Variants in ELL observed in about 807,000 individuals in gnomAD.
ELL encodes RNA polymerase II elongation factor ELL.
Under a neutral mutation model 64.0 loss-of-function variants are expected in ELL, and 18 were observed. That is an observed-to-expected ratio of 0.28 (90% confidence interval 0.19 to 0.42). The LOEUF is 0.42. ELL is among the 10% of genes least tolerant of loss of function. The probability of loss-of-function intolerance (pLI) is 1.00; values close to 1 mark genes in which losing one functional copy is unlikely to be tolerated. For synonymous variants in ELL, 399 were observed against 376.2 expected (o/e 1.06, Z -0.70); for missense variants, 797 against 870.4 (o/e 0.92, Z 1.06).
chr19:18,483,423 G>A (rs560339872), intron 1 of ELL, among the ~76,000 whole-genome samples: 18 of 152,302 alleles, frequency 1.2e-4, no homozygotes, highest in South Asian at 1.0e-3. Flanking sequence ...CCATTCCTGC[G>A]TCATAGCTGG....
At chr19:18,486,510 G>A (rs1600477466) in intron 1 of ELL, among the ~76,000 whole-genome samples, 2 of 152,056 alleles carry the variant, frequency 1.3e-5, no homozygotes, top group African/African-American at 4.8e-5. Context: ...TCCGGTGGTC[G>A]GCCACACTCA....
At position 18,446,822 on chromosome 19, in the gene ELL, A is replaced by AG; in HGVS notation, c.1466-9dup. 1 of 1,614,036 alleles carries AG rather than the reference A, an allele frequency of 6.2e-7. No individual in the cohort carries two copies. The highest frequency in any genetic ancestry group is 8.5e-7 in the Non-Finnish European group (1 of 1,180,022). On this transcript the variant is annotated splice_polypyrimidine_tract_variant and intron_variant, in intron 8 of 11. Transcript: ENST00000262809. ...TGCAGGTTCCGTTTAAACCTACGAG[A>AG]GCAAACACATACCTCCTGAGTCTGC...
chr19:18,508,492 C>A (rs1187522898), intron 1 of ELL, among the ~76,000 whole-genome samples: 1 of 152,206 alleles, frequency 6.6e-6, no homozygotes. Flanking sequence ...GGGGCCAGAA[C>A]AAAAGGACCC....
intron 4 of ELL, among the ~76,000 whole-genome samples, chr19:18,464,140 G>A (rs892001934): frequency 5.9e-5 from 9 of 152,200 alleles, no homozygotes; most frequent in Non-Finnish European, 1.2e-4. Flanking sequence ...AGGCCCAGGC[G>A]AAAGGATCAT....
At chr19:18,487,388 G>A (rs1225414657) in intron 1 of ELL, among the ~76,000 whole-genome samples, 1 of 152,236 alleles carries the variant, frequency 6.6e-6, no homozygotes, top group African/African-American at 2.4e-5. Flanking sequence ...AGGAGCAGCT[G>A]GGTTTGGGGG....
At chr19:18,490,532 T>C (rs1289053788) in intron 1 of ELL, among the ~76,000 whole-genome samples, 1 of 152,216 alleles carries the variant, frequency 6.6e-6, no homozygotes, top group African/African-American at 2.4e-5. Flanking sequence ...GCAAGTTTCT[T>C]GGCCATTCTT....
At chr19:18,456,596 G>T (rs537681172) in intron 6 of ELL, among the ~76,000 whole-genome samples, 5 of 152,318 alleles carry the variant, frequency 3.3e-5, no homozygotes, top group Admixed American at 1.3e-4. Context: ...ACCAGGCAGT[G>T]TGTGGCTTGG....
At chr19:18,445,324 C>G (rs1030845602) in intron 10 of ELL, 56 bp from the exon 11 acceptor site, 17 of 1,579,006 alleles carry the variant, frequency 1.1e-5, no homozygotes, top group African/African-American at 1.3e-5. Flanking sequence ...TACAGGAAAC[C>G]CAAATTGAGT....
intron 2 of ELL, among the ~76,000 whole-genome samples, chr19:18,468,984 C>A (rs955900745): frequency 6.6e-6 from 1 of 152,164 alleles, no homozygotes; most frequent in Non-Finnish European, 1.5e-5. Flanking sequence ...CTTCACCCTG[C>A]TTGGATCTTT....
chr19:18,471,926 T>G (rs1240219323), intron 2 of ELL, among the ~76,000 whole-genome samples: 1 of 152,154 alleles, frequency 6.6e-6, no homozygotes, highest in Non-Finnish European at 1.5e-5. Context: ...CCTACCTTTT[T>G]GGCACCAGCG....
intron 1 of ELL, among the ~76,000 whole-genome samples, chr19:18,500,125 G>C (rs1382053715): frequency 6.6e-6 from 1 of 152,136 alleles, no homozygotes; most frequent in African/African-American, 2.4e-5. Flanking sequence ...ATCTGGGCAT[G>C]GTGGCGGGTG....
chr19:18,490,817 G>A (rs1231898001), intron 1 of ELL, among the ~76,000 whole-genome samples: 1 of 152,160 alleles, frequency 6.6e-6, no homozygotes, highest in East Asian at 1.9e-4. Flanking sequence ...TGTAGTGCCT[G>A]CCATCTGCAG....
At chr19:18,511,383 T>C (rs77543386) in intron 1 of ELL, among the ~76,000 whole-genome samples, 23,328 of 152,008 alleles carry the variant, frequency 0.15, 1,905 homozygotes, top group South Asian at 0.2. Flanking sequence ...TGAGTCAAGA[T>C]CACGTCACTG....
intron 6 of ELL, among the ~76,000 whole-genome samples, chr19:18,457,353 C>T (rs1031599543): frequency 3.9e-5 from 6 of 152,272 alleles, no homozygotes; most frequent in East Asian, 1.9e-4. Context: ...AGGATGGGGG[C>T]GGGTCTTCTG....
intron 1 of ELL, among the ~76,000 whole-genome samples, chr19:18,516,804 C>A (rs543321745): frequency 4.6e-5 from 7 of 152,244 alleles, no homozygotes; most frequent in Admixed American, 4.6e-4. Flanking sequence ...AGAGAAGGAT[C>A]TGGAACTTGA....
At chr19:18,454,622 C>T (rs1161232627) in intron 6 of ELL, among the ~76,000 whole-genome samples, 2 of 151,582 alleles carry the variant, frequency 1.3e-5, no homozygotes, top group Non-Finnish European at 2.9e-5. Context: ...GGGCAGATTA[C>T]CTGAGGTTGG....
chr19:18,450,470 C>A lies in ELL; in HGVS notation c.1465+7G>T. ...CCCCGGCAACGCCCTCCTGCCTGGG[C>A]ACCTACCTGGGGTGTCTGCTGGGGC... On this transcript the variant is annotated splice_region_variant and intron_variant, in intron 8 of 11. Coordinates refer to ENST00000262809, the MANE Select transcript of ELL (RefSeq NM_006532.4). 1 of 1,610,496 alleles carries A rather than the reference C, an allele frequency of 6.2e-7. No individual in the cohort carries two copies. The highest frequency in any genetic ancestry group is 8.5e-7 in the Non-Finnish European group (1 of 1,178,342).
intron 1 of ELL, among the ~76,000 whole-genome samples, chr19:18,492,643 G>A (rs549742957): frequency 6.6e-6 from 1 of 152,264 alleles, no homozygotes; most frequent in Non-Finnish European, 1.5e-5. Context: ...TAACTCTCCT[G>A]ACACACAAGT....
intron 1 of ELL, among the ~76,000 whole-genome samples, chr19:18,509,478 G>T (rs906686133): frequency 6.6e-6 from 1 of 151,980 alleles, no homozygotes; most frequent in African/African-American, 2.4e-5. Context: ...GCCCCCACCC[G>T]GCCCCTTGGC....
Sources: gnomAD v4.1 joint callset for allele counts (sites outside exome capture counted in the v4.1 genomes callset) on GRCh38, gnomAD v4.1.1 for gene constraint, MANE v1.5 for transcripts, NCBI Gene and HGNC (gene_info 2026-07-23, HGNC 2026-07-21) for gene names.